KHDRBS2: variants seen among roughly 807,000 people sequenced by gnomAD.
KHDRBS2 encodes KH domain-containing, RNA-binding, signal transduction-associated protein 2.
A neutral mutation model predicts 44.3 loss-of-function variants in KHDRBS2; 26 were observed. The observed-to-expected ratio is 0.59, with a 90% confidence interval of 0.43 to 0.81. The LOEUF (loss-of-function observed/expected upper bound fraction) is 0.81, where lower values mean the gene tolerates loss of function less well. Ranked by LOEUF, KHDRBS2 falls within the 40% of genes least tolerant of loss-of-function variation. KHDRBS2 has a pLI of 0.00. For synonymous variants in KHDRBS2, 194 were observed against 151.1 expected (o/e 1.28, Z -2.08); for missense variants, 476 against 433.1 (o/e 1.10, Z -0.88).
At chr6:61,955,028 A>ATG (rs1766233961) in intron 4 of KHDRBS2, among the ~76,000 whole-genome samples, 2 of 144,704 alleles carry the variant, frequency 1.4e-5, no homozygotes, top group African/African-American at 2.5e-5. Flanking sequence ...ACACATACAT[A>ATG]TATACATACA....
At chr6:61,821,277 C>T (rs79228642) in intron 6 of KHDRBS2, among the ~76,000 whole-genome samples, 1 of 152,000 alleles carries the variant, frequency 6.6e-6, no homozygotes, top group African/African-American at 2.4e-5. Flanking sequence ...CTGGGTCCTA[C>T]TAGCAAGACA....
At chr6:61,562,018 C>T in the KHDRBS2 span, among the ~76,000 whole-genome samples, 1 of 152,192 alleles carries the variant, frequency 6.6e-6, no homozygotes, top group South Asian at 2.1e-4. Flanking sequence ...AAAAAAATGG[C>T]CAAATGACCA....
At chr6:61,875,193 GGAGAGA>G (rs149120821) in intron 6 of KHDRBS2, among the ~76,000 whole-genome samples, 4 of 148,436 alleles carry the variant, frequency 2.7e-5, no homozygotes, top group African/African-American at 4.9e-5. Flanking sequence ...GGGCAGGGAG[GGAGAGA>G]GAGAGAGAGA....
intron 1 of KHDRBS2, among the ~76,000 whole-genome samples, chr6:62,186,387 T>A (rs533431464): frequency 1.3e-5 from 2 of 152,066 alleles, no homozygotes; most frequent in Admixed American, 1.3e-4. Context: ...ATTTGGGGGC[T>A]GGACATGAGA....
intron 6 of KHDRBS2, among the ~76,000 whole-genome samples, chr6:61,781,160 C>T (rs1442130355): frequency 1.3e-5 from 2 of 152,130 alleles, no homozygotes; most frequent in Admixed American, 1.3e-4. Context: ...ATTTGATTTA[C>T]ATTCTAGTAT....
intron 2 of KHDRBS2, among the ~76,000 whole-genome samples, chr6:62,170,315 A>G (rs934314634): frequency 6.6e-6 from 1 of 152,042 alleles, no homozygotes; most frequent in Non-Finnish European, 1.5e-5. Flanking sequence ...CAGCCTGTCT[A>G]TGGACCACTG....
At chr6:61,958,990 G>A (rs1033160331) in intron 4 of KHDRBS2, among the ~76,000 whole-genome samples, 6 of 152,156 alleles carry the variant, frequency 3.9e-5, no homozygotes, top group South Asian at 2.1e-4. Context: ...ATGCACTTCA[G>A]TATCAATGGT....
chr6:62,136,176 G>A (rs1290904054), intron 2 of KHDRBS2, among the ~76,000 whole-genome samples: 1 of 152,042 alleles, frequency 6.6e-6, no homozygotes, highest in African/African-American at 2.4e-5. Flanking sequence ...CATCATGTTG[G>A]ATACCTTAAA....
intron 6 of KHDRBS2, among the ~76,000 whole-genome samples, chr6:61,816,086 A>G (rs895235896): frequency 6.6e-6 from 1 of 152,122 alleles, no homozygotes; most frequent in Non-Finnish European, 1.5e-5. Flanking sequence ...TTAGACTTCT[A>G]TTTGTTAAAA....
chr6:62,195,177 CT>C (rs1345991504), intron 1 of KHDRBS2, among the ~76,000 whole-genome samples: 1 of 152,090 alleles, frequency 6.6e-6, no homozygotes, highest in African/African-American at 2.4e-5. Context: ...GTATTTTCTC[CT>C]TTGATGCTAT....
At chr6:61,638,081 C>T in the KHDRBS2 span, among the ~76,000 whole-genome samples, 1 of 151,766 alleles carries the variant, frequency 6.6e-6, no homozygotes, top group Non-Finnish European at 1.5e-5. Flanking sequence ...CCATTACTGC[C>T]CAAGGTAATT....
At chr6:62,198,660 A>C (rs920174467) in intron 1 of KHDRBS2, among the ~76,000 whole-genome samples, 14 of 152,344 alleles carry the variant, frequency 9.2e-5, no homozygotes, top group Non-Finnish European at 1.8e-4. Context: ...CAGAGGTACA[A>C]GGAGGAGCTG....
At chr6:62,151,099 G>A (rs141241417) in intron 2 of KHDRBS2, among the ~76,000 whole-genome samples, 95 of 152,148 alleles carry the variant, frequency 6.2e-4, no homozygotes, top group African/African-American at 2.2e-3. Context: ...ATGAACTCTG[G>A]ACTCAGAACC....
intron 3 of KHDRBS2, among the ~76,000 whole-genome samples, chr6:62,023,033 G>A (rs184448615): frequency 2.0e-5 from 3 of 151,632 alleles, no homozygotes; most frequent in Non-Finnish European, 3.0e-5. Flanking sequence ...GTATGACCTT[G>A]GAAATATTGA....
rs1450118302 is a variant in KHDRBS2, at chr6:61,982,467, C to G, written c.337-4255G>C. On this transcript the variant is annotated intron_variant, in intron 3 of 8. Coordinates refer to ENST00000281156, the MANE Select transcript of KHDRBS2 (RefSeq NM_152688.4). ...AGGGCGGATCACGAGGTCAGGAGAT[C>G]GAGACCATCCTGGCTAACACAGTGA... 5.3e-5 allele frequency among the ~76,000 whole-genome samples: 8 copies of G among 151,794 alleles called. No individual in the cohort carries two copies. The East Asian group carries it at 9.7e-4, about 18-fold the overall frequency.
chr6:62,101,652 G>C (rs965862277), intron 2 of KHDRBS2, among the ~76,000 whole-genome samples: 11 of 152,122 alleles, frequency 7.2e-5, no homozygotes, highest in Non-Finnish European at 1.5e-4. Context: ...GAGCATGAGG[G>C]AAACAGGTAT....
At chr6:61,681,920 G>C (rs550788718) in intron 8 of KHDRBS2, among the ~76,000 whole-genome samples, 8 of 151,972 alleles carry the variant, frequency 5.3e-5, no homozygotes, top group Admixed American at 3.9e-4. Flanking sequence ...TGTGATTCCA[G>C]CAACTAGGTT....
intron 2 of KHDRBS2, among the ~76,000 whole-genome samples, chr6:62,160,219 A>C (rs1817340875): frequency 6.6e-6 from 1 of 152,154 alleles, no homozygotes; most frequent in African/African-American, 2.4e-5. Context: ...CAAACAAGCA[A>C]ATTACAAACT....
At chr6:62,235,250 C>A (rs1833529862) in intron 1 of KHDRBS2, among the ~76,000 whole-genome samples, 1 of 151,872 alleles carries the variant, frequency 6.6e-6, no homozygotes, top group East Asian at 1.9e-4. Context: ...TTATATTTAT[C>A]TCTCCATTGC....
Sources: gnomAD v4.1 joint callset for allele counts (sites outside exome capture counted in the v4.1 genomes callset) on GRCh38, gnomAD v4.1.1 for gene constraint, MANE v1.5 for transcripts, NCBI Gene and HGNC (gene_info 2026-07-23, HGNC 2026-07-21) for gene names.